PFKP: variants seen among roughly 807,000 people sequenced by gnomAD.
PFKP encodes ATP-dependent 6-phosphofructokinase, platelet type.
In PFKP, 101 loss-of-function variants were observed where a neutral mutation model predicts 94.3. The ratio of observed to expected loss-of-function variants is 1.07; its 90% CI spans 0.91 to 1.26. PFKP has a LOEUF of 1.26. Among genes scored for constraint, PFKP ranks in the 50% most tolerant of loss-of-function variants. The pLI, the probability that PFKP is intolerant of heterozygous loss-of-function variation, is 0.00. For synonymous variants in PFKP, 573 were observed against 432.6 expected (o/e 1.32, Z -4.03); for missense variants, 1,145 against 1,103.3 (o/e 1.04, Z -0.53).
chr10:3,067,677 G>A lies in PFKP; in HGVS notation c.82G>A (p.Gly28Ser), dbSNP rs922725563. 2.0e-6 allele frequency: 3 copies of A among 1,528,104 alleles called. No individual in the cohort carries two copies. Among genetic ancestry groups the A allele is most frequent in the African/African-American group, 2.8e-5 (2 of 70,778 alleles). The allele number at this position is 1,528,104 out of a possible 1,614,324, so 94.7% of individuals were successfully genotyped here. A position where few individuals can be genotyped will look rare whatever the true frequency, so the allele number is the denominator to read the frequency against. Residue 28 changes from glycine to serine, a missense_variant, in exon 1 of 22, where the codon GGC (glycine) becomes AGC (serine). Coordinates refer to ENST00000381125, the MANE Select transcript of PFKP (RefSeq NM_002627.5). ...EHLSGAGKAIGVLTSGGDAQG... is the reference protein window; with the variant it reads ...EHLSGAGKAISVLTSGGDAQG... The stretch of plus-strand genomic sequence containing the variant: ...CCTCTCCGGGGCCGGCAAGGCCATC[G>A]GCGTGCTGACCAGCGGCGGGGATGC...
chr10:3,136,655 C>T lies in PFKP; in HGVS notation c.*76C>T, dbSNP rs576412352. 837 of 1,504,580 alleles carry T rather than the reference C, an allele frequency of 5.6e-4. No individual in the cohort carries two copies. The highest frequency in any genetic ancestry group is 9.4e-4 in the Admixed American group (52 of 55,334). 93.2% of individuals were successfully genotyped at this position (1,504,580 alleles called of 1,614,324 possible). On this transcript the variant is annotated 3_prime_UTR_variant, in exon 22 of 22. Transcript: ENST00000381125. ...TAACACTTAAGTTATTTTATCAGCA[C>T]TTTATGCACGTATTATTGACATTAA... is the stretch of plus-strand genomic sequence containing the variant.
At chr10:3,077,410 C>G (rs530133575) in intron 1 of PFKP, among the ~76,000 whole-genome samples, 17 of 151,574 alleles carry the variant, frequency 1.1e-4, no homozygotes, top group Non-Finnish European at 2.1e-4. Flanking sequence ...TGCAGGCGCT[C>G]ACCACCATGC....
chr10:3,132,377 C>A lies in PFKP; in HGVS notation c.1849-3C>A. 1 of 1,604,996 alleles carries A rather than the reference C, an allele frequency of 6.2e-7. No individual in the cohort carries two copies. The highest frequency in any genetic ancestry group is 8.5e-7 in the Non-Finnish European group (1 of 1,171,798). ...GTCTGATTAACAAAATACTCTCTTC[C>A]AGTCCAACGTGGAGCACCTGACGGA... On this transcript the variant is annotated splice_region_variant and splice_polypyrimidine_tract_variant and intron_variant, in intron 17 of 21. Coordinates refer to ENST00000381125, the MANE Select transcript of PFKP (RefSeq NM_002627.5).
At chr10:3,116,166 G>A (rs567401653) in intron 13 of PFKP, among the ~76,000 whole-genome samples, 1 of 151,920 alleles carries the variant, frequency 6.6e-6, no homozygotes, top group South Asian at 2.1e-4. Context: ...ACCTTGTACA[G>A]TATTTACCTT....
intron 17 of PFKP, among the ~76,000 whole-genome samples, chr10:3,130,563 A>T (rs1838460656): frequency 6.6e-6 from 1 of 152,114 alleles, no homozygotes; most frequent in African/African-American, 2.4e-5. Context: ...TGCAACTTGA[A>T]CAATTGTCTT....
At chr10:3,132,558 C>A in intron 18 of PFKP, 117 bp downstream of exon 18, 1 of 722,464 alleles carries the variant, frequency 1.4e-6, no homozygotes, top group Non-Finnish European at 2.5e-6. Flanking sequence ...GAGTGCACTA[C>A]ACACACTGAG....
chr10:3,119,764 G>GGGCTC, intron 15 of PFKP, 128 bp from the exon 16 acceptor site: 2 of 657,900 alleles, frequency 3.0e-6, no homozygotes, highest in South Asian at 3.9e-5. Context: ...TGATCTCGGA[G>GGGCTC]TGTTTTCGTG....
chr10:3,095,644 GTT>G (rs756098612), intron 2 of PFKP, among the ~76,000 whole-genome samples: 22 of 152,352 alleles, frequency 1.4e-4, no homozygotes, highest in Middle Eastern at 6.8e-3. Flanking sequence ...CCAAAAGGGT[GTT>G]TTAGGAAACG....
chr10:3,104,464 G>A (rs544790676), intron 5 of PFKP, among the ~76,000 whole-genome samples: 10 of 152,318 alleles, frequency 6.6e-5, no homozygotes, highest in African/African-American at 2.2e-4. Context: ...TAGAATAAGT[G>A]TCTCCCCTTT....
intron 2 of PFKP, among the ~76,000 whole-genome samples, chr10:3,086,748 C>T (rs1304854862): frequency 6.6e-6 from 1 of 151,998 alleles, no homozygotes; most frequent in African/African-American, 2.4e-5. Context: ...GGATGCAGTC[C>T]CTGGCCCACT....
At chr10:3,134,658 G>A in intron 20 of PFKP, 76 bp downstream of exon 20, 1 of 880,794 alleles carries the variant, frequency 1.1e-6, no homozygotes, top group South Asian at 1.3e-5. Flanking sequence ...TGTCCTATCG[G>A]GGAGAAGTAG....
rs768834273 is a variant in PFKP at position 3,103,918 on chromosome 10, C to G, written c.594C>G (p.Val198=). 2 of 1,613,724 alleles carry G rather than the reference C, an allele frequency of 1.2e-6. No homozygotes were observed. Among genetic ancestry groups the G allele is most frequent in the African/African-American group, 1.3e-5 (1 of 75,038 alleles). Residue 198 remains valine (V), a synonymous_variant, in exon 5 of 22, where the codon GTC becomes GTG. Coordinates refer to ENST00000381125, the MANE Select transcript of PFKP (RefSeq NM_002627.5). ...CCCTGCACAGGATCATCGAGGTCGT[C>G]GACGCCATCATGACCACGGCCCAGA... The part of the protein sequence containing the change: ...DSALHRIIEV[V]DAIMTTAQSH...
intron 3 of PFKP, among the ~76,000 whole-genome samples, chr10:3,099,856 G>A (rs932969139): frequency 1.8e-4 from 27 of 152,002 alleles, no homozygotes; most frequent in Non-Finnish European, 3.4e-4. Context: ...GTTTCTGTGT[G>A]TGGTGTATGT....
chr10:3,109,742 G>A (rs914101824), intron 10 of PFKP, among the ~76,000 whole-genome samples: 1 of 152,156 alleles, frequency 6.6e-6, no homozygotes, highest in Non-Finnish European at 1.5e-5. Context: ...CCCTGAGTGG[G>A]GGTCTAGAGC....
At chr10:3,117,668 G>A (rs967530304) in intron 14 of PFKP, among the ~76,000 whole-genome samples, 8 of 152,178 alleles carry the variant, frequency 5.3e-5, no homozygotes, top group Admixed American at 2.6e-4. Context: ...AGCTCTGTGT[G>A]TGGGTGCCCT....
rs181117307 is a variant in PFKP at position 3,085,211 on chromosome 10, C to A, written c.186+2750C>A. On this transcript the variant is annotated intron_variant, in intron 2 of 21. Transcript: ENST00000381125. Reference sequence around the variant, plus strand: ...ACCCGCTCACCAGCACAGTCCCTCACCCCCTCCCCAGCACAGTCCCCCACC... The same window carrying A: ...ACCCGCTCACCAGCACAGTCCCTCAACCCCTCCCCAGCACAGTCCCCCACC... Among the ~76,000 whole-genome samples the A allele has an allele frequency of 2.4e-3, 19 of 8,058 alleles. 3 individuals are homozygous for A. Among genetic ancestry groups the A allele is most frequent in the Non-Finnish European group, 3.4e-3 (10 of 2,932 alleles). The allele number at this position is 8,058 out of a possible 152,430, so 5.3% of individuals were successfully genotyped here.
intron 2 of PFKP, among the ~76,000 whole-genome samples, chr10:3,088,425 T>TTA (rs1400071480): frequency 6.6e-6 from 1 of 152,136 alleles, no homozygotes; most frequent in African/African-American, 2.4e-5. Flanking sequence ...GTTCCAAGTC[T>TTA]TTAATTCTAA....
chr10:3,094,803 A>C (rs1834345656), intron 2 of PFKP, among the ~76,000 whole-genome samples: 1 of 152,186 alleles, frequency 6.6e-6, no homozygotes, highest in South Asian at 2.1e-4. Context: ...AAATGCTTTA[A>C]TTTATTAAGG....
intron 2 of PFKP, among the ~76,000 whole-genome samples, chr10:3,092,776 C>T (rs928025945): frequency 1.3e-5 from 2 of 152,174 alleles, no homozygotes; most frequent in Non-Finnish European, 2.9e-5. Context: ...AATGAAGCTC[C>T]TGCTTTTACA....
Sources: allele counts gnomAD v4.1 joint callset (sites outside exome capture counted in the v4.1 genomes callset), GRCh38; gene constraint gnomAD v4.1.1; transcripts MANE v1.5; gene names NCBI Gene and HGNC (gene_info 2026-07-23, HGNC 2026-07-21).